PREX1: variants seen among roughly 807,000 people sequenced by gnomAD.
The protein encoded by PREX1 is phosphatidylinositol-3,4,5-trisphosphate dependent Rac exchange factor 1.
In PREX1, 41 loss-of-function variants were observed where a neutral mutation model predicts 198.3. The observed-to-expected ratio is 0.21, with a 90% confidence interval of 0.16 to 0.27. The LOEUF (loss-of-function observed/expected upper bound fraction) is 0.27. Ranked by LOEUF, PREX1 falls within the 10% of genes least tolerant of loss-of-function variation. The pLI is 1.00. For missense variants in PREX1, 1,620 were observed against 2,200.7 expected (o/e 0.74, Z 5.28); for synonymous variants, 843 against 887.2 (o/e 0.95, Z 0.89).
intron 1 of PREX1, among the ~76,000 whole-genome samples, chr20:48,772,410 G>C (rs1252130554): frequency 6.6e-6 from 1 of 152,118 alleles, no homozygotes; most frequent in East Asian, 1.9e-4. Flanking sequence ...CCCTGTCCCT[G>C]TGACACTGGG....
intron 1 of PREX1, among the ~76,000 whole-genome samples, chr20:48,754,417 A>G (rs1420004866): frequency 6.6e-6 from 1 of 152,152 alleles, no homozygotes; most frequent in Admixed American, 6.5e-5. Context: ...ATCAGCCTTT[A>G]AAACAGGTAG....
At position 48,636,652 on chromosome 20, in the gene PREX1, G is replaced by A. The variant is rs776118001; in HGVS notation, c.3978C>T (p.Ile1326=). The change falls in exon 32 of 40, where the codon ATC becomes ATT. Residue 1326 remains isoleucine (I), a synonymous_variant. Coordinates refer to ENST00000371941, the MANE Select transcript of PREX1 (RefSeq NM_020820.4). ...CGGCGGCCACCAGGGCCTGGCAGAA[G>A]ATCGCGTCTCTGCGCAGCTGCAGCT... The part of the protein sequence containing the change: ...DTELQLRRDA[I]FCQALVAAVC... 6.2e-7 allele frequency: 1 copy of A among 1,610,396 alleles called. No individual in the cohort carries two copies. The highest frequency in any genetic ancestry group is 1.7e-5 in the Admixed American group (1 of 59,848).
intron 1 of PREX1, among the ~76,000 whole-genome samples, chr20:48,777,721 C>T (rs1461178909): frequency 2.6e-5 from 4 of 152,170 alleles, no homozygotes; most frequent in Admixed American, 2.6e-4. Context: ...TCTGCATCCA[C>T]ATCTGTAAAA....
chr20:48,662,487 G>T (rs1421346563), intron 15 of PREX1, among the ~76,000 whole-genome samples: 7 of 152,194 alleles, frequency 4.6e-5, no homozygotes, highest in South Asian at 2.1e-4. Context: ...CTGAGCCTCA[G>T]TTTCCTTGTC....
chr20:48,792,645 T>C (rs1219863357), intron 1 of PREX1, among the ~76,000 whole-genome samples: 5 of 152,218 alleles, frequency 3.3e-5, no homozygotes, highest in African/African-American at 9.6e-5. Flanking sequence ...CTCATGTGCA[T>C]AGCAGTATTA....
intron 6 of PREX1, among the ~76,000 whole-genome samples, chr20:48,705,016 A>G (rs2089896410): frequency 6.6e-6 from 1 of 152,250 alleles, no homozygotes; most frequent in East Asian, 1.9e-4. Flanking sequence ...ATCTAAAAAA[A>G]TAAATAAATA....
At chr20:48,713,187 C>T (rs1568835817) in intron 5 of PREX1, among the ~76,000 whole-genome samples, 1 of 151,688 alleles carries the variant, frequency 6.6e-6, no homozygotes, top group Non-Finnish European at 1.5e-5. Flanking sequence ...CATGGTGGCT[C>T]ACGCCTGTGA....
chr20:48,777,556 G>A (rs907305003), intron 1 of PREX1, among the ~76,000 whole-genome samples: 1 of 152,130 alleles, frequency 6.6e-6, no homozygotes, highest in Admixed American at 6.5e-5. Flanking sequence ...AGGCAGGGAG[G>A]TAAGAACCTG....
chr20:48,678,482 G>A (rs2089724746), intron 13 of PREX1, among the ~76,000 whole-genome samples: 1 of 150,942 alleles, frequency 6.6e-6, no homozygotes. Flanking sequence ...AAAAAAAAAA[G>A]AAGAAGAAAA....
At chr20:48,821,370 C>T (rs999559232) in intron 1 of PREX1, among the ~76,000 whole-genome samples, 1 of 152,170 alleles carries the variant, frequency 6.6e-6, no homozygotes, top group Non-Finnish European at 1.5e-5. Context: ...ATTTATGTCA[C>T]CTGCAAAACA....
chr20:48,677,880 G>A (rs982013055), intron 13 of PREX1, among the ~76,000 whole-genome samples: 2 of 151,960 alleles, frequency 1.3e-5, no homozygotes, highest in African/African-American at 4.8e-5. Flanking sequence ...CAGCTACTCG[G>A]GAGGCTGATG....
intron 14 of PREX1, among the ~76,000 whole-genome samples, chr20:48,674,670 A>G (rs2089696713): frequency 6.6e-6 from 1 of 152,190 alleles, no homozygotes; most frequent in African/African-American, 2.4e-5. Context: ...CCCATCTGCA[A>G]GTAGGTTAGA....
intron 20 of PREX1, 25 bp from the exon 21 acceptor site, chr20:48,652,731 C>G: frequency 6.2e-7 from 1 of 1,604,768 alleles, no homozygotes; most frequent in Admixed American, 1.7e-5. Context: ...AGTAAGGGGA[C>G]AGCCATGGTG....
intron 15 of PREX1, among the ~76,000 whole-genome samples, chr20:48,664,334 C>T (rs1354318008): frequency 2.0e-5 from 3 of 150,686 alleles, no homozygotes; most frequent in African/African-American, 7.3e-5. Flanking sequence ...GAGATCCTGC[C>T]ACTGCACTCC....
intron 9 of PREX1, among the ~76,000 whole-genome samples, chr20:48,689,307 A>G (rs1302650997): frequency 1.3e-5 from 2 of 152,206 alleles, no homozygotes; most frequent in African/African-American, 4.8e-5. Context: ...GACAACAGCA[A>G]ATGCTTTTAT....
chr20:48,766,449 ACCTCAG>A (rs2090208553), intron 1 of PREX1, among the ~76,000 whole-genome samples: 1 of 152,122 alleles, frequency 6.6e-6, no homozygotes. Context: ...GCAGGACCTG[ACCTCAG>A]CCTCCAAGCT....
chr20:48,637,978 C>T (rs557900041), intron 30 of PREX1, among the ~76,000 whole-genome samples: 4 of 152,308 alleles, frequency 2.6e-5, no homozygotes, highest in Admixed American at 1.3e-4. Context: ...CCCATCTGTA[C>T]GTGCAAGCCT....
chr20:48,665,039 GA>G (rs1288858181), intron 15 of PREX1, among the ~76,000 whole-genome samples: 6 of 127,782 alleles, frequency 4.7e-5, no homozygotes, highest in African/African-American at 1.2e-4. Context: ...TTCTAATCCC[GA>G]CTCCAGACGG....
chr20:48,690,047 A>G (rs1241261207), intron 9 of PREX1, among the ~76,000 whole-genome samples: 1 of 152,178 alleles, frequency 6.6e-6, no homozygotes, highest in Non-Finnish European at 1.5e-5. Flanking sequence ...CTGTGGGGCG[A>G]AGGGAGGAGC....
Sources: gnomAD v4.1 joint callset for allele counts (sites outside exome capture counted in the v4.1 genomes callset) on GRCh38, gnomAD v4.1.1 for gene constraint, MANE v1.5 for transcripts, NCBI Gene and HGNC (gene_info 2026-07-23, HGNC 2026-07-21) for gene names.